The following MAPK9 variants were observed in gnomAD, a reference collection of about 807,000 sequenced individuals.
MAPK9 encodes the protein Jun kinase.
Under a neutral mutation model 57.1 loss-of-function variants are expected in MAPK9, and 30 were observed. That is an observed-to-expected ratio of 0.53 (90% CI 0.39 to 0.71). The LOEUF is 0.71. Ranked by LOEUF, MAPK9 falls within the 30% of genes least tolerant of loss-of-function variation. The pLI, the probability that MAPK9 is intolerant of heterozygous loss-of-function variation, is 0.00. For synonymous variants in MAPK9, 155 were observed against 177.0 expected (o/e 0.88, Z 0.99); for missense variants, 362 against 521.0 (o/e 0.69, Z 2.97).
chr5:180,249,965 G>C (rs1226463505), intron 5 of MAPK9, among the ~76,000 whole-genome samples: 1 of 152,126 alleles, frequency 6.6e-6, no homozygotes, highest in East Asian at 1.9e-4. Flanking sequence ...TCTGATCCTG[G>C]AATCTTCCCA....
At chr5:180,286,577 T>C (rs927275911) in intron 1 of MAPK9, among the ~76,000 whole-genome samples, 5 of 151,762 alleles carry the variant, frequency 3.3e-5, no homozygotes, top group Admixed American at 2.0e-4. Context: ...ACAGAACAAC[T>C]AGCATTTGGT....
At chr5:180,291,818 C>A in intron 1 of MAPK9, 30 bp downstream of exon 1, 1 of 148,170 alleles carries the variant, frequency 6.7e-6, no homozygotes, top group South Asian at 1.8e-4. Context: ...GAGCAGCCGC[C>A]GCCAGGCCTA....
rs1242838982 is a variant in MAPK9, at chr5:180,233,984, C to T, written c.*2400G>A. ...TTTCCAGACTGCTCTCCTGCTCTCA[C>T]AGAACTCTGTCTGCTCTCTGGACTC... On this transcript the variant is annotated 3_prime_UTR_variant, in exon 12 of 12. Coordinates refer to ENST00000452135, the MANE Select transcript of MAPK9 (RefSeq NM_002752.5). The T allele has an allele frequency of 6.6e-6, 1 of 152,232 alleles. No homozygotes were observed. The highest frequency in any genetic ancestry group is 1.5e-5 in the Non-Finnish European group (1 of 68,052). 9.4% of individuals were successfully genotyped at this position (152,232 alleles called of 1,614,324 possible). A position where few individuals can be genotyped will look rare whatever the true frequency, so the allele number is the denominator to read the frequency against.
intron 5 of MAPK9, among the ~76,000 whole-genome samples, chr5:180,256,326 G>C (rs1413699853): frequency 2.1e-5 from 3 of 140,804 alleles, no homozygotes; most frequent in African/African-American, 7.9e-5. Flanking sequence ...ACTGTAGATG[G>C]AACAAAGGAT....
chr5:180,273,205 T>C (rs948687883), intron 2 of MAPK9, among the ~76,000 whole-genome samples: 7 of 147,474 alleles, frequency 4.7e-5, no homozygotes, highest in African/African-American at 1.2e-4. Flanking sequence ...TATTGACTAT[T>C]TGTTTGTCTA....
intron 2 of MAPK9, among the ~76,000 whole-genome samples, chr5:180,275,680 G>C (rs1292826212): frequency 6.6e-6 from 1 of 152,196 alleles, no homozygotes; most frequent in African/African-American, 2.4e-5. Context: ...GGGGGACAGT[G>C]GGAATGTTGG....
At chr5:180,241,968 T>C (rs1228576387) in intron 8 of MAPK9, among the ~76,000 whole-genome samples, 2 of 152,250 alleles carry the variant, frequency 1.3e-5, no homozygotes, top group South Asian at 2.1e-4. Context: ...CCTAGCTGTA[T>C]ACAGTGCTGG....
chr5:180,289,772 G>A (rs1422282229), intron 1 of MAPK9, among the ~76,000 whole-genome samples: 1 of 152,150 alleles, frequency 6.6e-6, no homozygotes, highest in Non-Finnish European at 1.5e-5. Context: ...CAAGCTGAAT[G>A]AATCTGTATT....
intron 2 of MAPK9, chr5:180,279,756 G>A (rs1346061533): frequency 2.3e-6 from 1 of 442,924 alleles, no homozygotes; most frequent in African/African-American, 2.0e-5. Context: ...TGTGGGAAGT[G>A]CTGATAGCTG....
chr5:180,280,686 T>C lies in MAPK9; in HGVS notation c.-47-78A>G, dbSNP rs878929484. On this transcript the variant is annotated intron_variant, in intron 1 of 11. Coordinates refer to ENST00000452135, the MANE Select transcript of MAPK9 (RefSeq NM_002752.5). ...CTCACGTAAGAGAGTTCTGAACTTA[T>C]TGGTATGTAAGACAATGTGGCTGTA... is the stretch of plus-strand genomic sequence containing the variant. 1.4e-5 allele frequency: 16 copies of C among 1,164,524 alleles called. No homozygotes were observed. In the South Asian group the frequency reaches 1.5e-4, roughly 11 times the overall value. The allele number at this position is 1,164,524 out of a possible 1,614,324, so 72.1% of individuals were successfully genotyped here.
intron 2 of MAPK9, among the ~76,000 whole-genome samples, chr5:180,273,263 GA>G (rs753497703): frequency 1.3e-5 from 2 of 151,972 alleles, no homozygotes; most frequent in South Asian, 2.1e-4. Flanking sequence ...CTGAACAAGA[GA>G]TTTTTTTTCA....
At chr5:180,244,052 T>A (rs537768474) in intron 7 of MAPK9, among the ~76,000 whole-genome samples, 54 of 152,292 alleles carry the variant, frequency 3.5e-4, no homozygotes, top group African/African-American at 1.3e-3. Flanking sequence ...TTTCGCCATG[T>A]TGGCCAGGCT....
chr5:180,291,592 G>A (rs1243142606), intron 1 of MAPK9, among the ~76,000 whole-genome samples: 1 of 152,052 alleles, frequency 6.6e-6, no homozygotes, highest in East Asian at 1.9e-4. Flanking sequence ...CTCCGGGAGG[G>A]ATGGCGCCCG....
intron 2 of MAPK9, among the ~76,000 whole-genome samples, chr5:180,277,045 C>T (rs558781893): frequency 2.0e-5 from 3 of 152,264 alleles, no homozygotes; most frequent in South Asian, 2.1e-4. Flanking sequence ...CCTACCTGCA[C>T]GTTGGTTTAT....
At chr5:180,291,802 C>G (rs1332102578) in intron 1 of MAPK9, 46 bp downstream of exon 1, 1 of 148,242 alleles carries the variant, frequency 6.7e-6, no homozygotes, top group African/African-American at 2.4e-5. Context: ...CCCGCGGGCC[C>G]GGCCCGAGCA....
At position 180,262,662 on chromosome 5, in the gene MAPK9, C is replaced by A. The variant is rs557534924; in HGVS notation, c.312-840G>T. On this transcript the variant is annotated intron_variant, in intron 4 of 11. Transcript: ENST00000452135. ...TGTTGCCCAGGCTGGTCTCGAACTC[C>A]TGACCTCAAGTGATCCGCCCACCTC... 2.0e-5 allele frequency among the ~76,000 whole-genome samples: 3 copies of A among 152,234 alleles called. No individual in the cohort carries two copies. The South Asian group carries it at 6.2e-4, about 32-fold the overall frequency.
At chr5:180,269,903 A>C (rs1448498773) in intron 2 of MAPK9, among the ~76,000 whole-genome samples, 2 of 152,236 alleles carry the variant, frequency 1.3e-5, no homozygotes, top group Non-Finnish European at 1.5e-5. Context: ...AAAAGAAAAG[A>C]AGCCAAAATT....
chr5:180,272,474 CCAAAAGCTTCTCACA>C, intron 2 of MAPK9, among the ~76,000 whole-genome samples: 1 of 152,222 alleles, frequency 6.6e-6, no homozygotes, highest in East Asian at 1.9e-4. Flanking sequence ...TCTCTGTATC[CCAAAAGCTTCTCACA>C]CCCCCAACTA....
intron 1 of MAPK9, among the ~76,000 whole-genome samples, chr5:180,284,901 AACAC>A (rs939870013): frequency 6.6e-6 from 1 of 152,132 alleles, no homozygotes; most frequent in Admixed American, 6.6e-5. Flanking sequence ...CAGCTACGTA[AACAC>A]ACACACACGC....
Sources: allele counts gnomAD v4.1 joint callset (sites outside exome capture counted in the v4.1 genomes callset), GRCh38; gene constraint gnomAD v4.1.1; transcripts MANE v1.5; gene names NCBI Gene and HGNC (gene_info 2026-07-23, HGNC 2026-07-21).